IQCM: variants seen among roughly 807,000 people sequenced by gnomAD.
IQCM encodes the protein IQ domain-containing protein M.
In IQCM, 45 loss-of-function variants were observed where a neutral mutation model predicts 57.6. The observed-to-expected ratio is 0.78, with a 90% CI of 0.62 to 1.00. IQCM has a LOEUF of 1.00. Ranked by LOEUF, IQCM falls within the 50% of genes least tolerant of loss-of-function variation. The pLI is 0.00. For synonymous variants in IQCM, 148 were observed against 158.9 expected (o/e 0.93, Z 0.51); for missense variants, 468 against 511.6 (o/e 0.91, Z 0.82).
chr4:149,675,954 C>T (rs566270627), intron 7 of IQCM, among the ~76,000 whole-genome samples: 18 of 152,068 alleles, frequency 1.2e-4, no homozygotes, highest in South Asian at 1.0e-3. Flanking sequence ...AAGAGGTTTG[C>T]GCCAGGCCAC....
chr4:149,636,477 T>A (rs1233687429), intron 7 of IQCM, among the ~76,000 whole-genome samples: 2 of 152,070 alleles, frequency 1.3e-5, no homozygotes, highest in Non-Finnish European at 2.9e-5. Flanking sequence ...CGTGTGTGGA[T>A]CCTCTTTTGA....
intron 13 of IQCM, among the ~76,000 whole-genome samples, chr4:149,394,079 C>T (rs1165042573): frequency 2.0e-5 from 3 of 152,058 alleles, no homozygotes; most frequent in Admixed American, 2.0e-4. Context: ...CTTAGCATGT[C>T]CAATGCCATA....
At position 149,658,919 on chromosome 4, in the gene IQCM, A is replaced by G. The variant is rs1759890377; in HGVS notation, c.565+23199T>C. Among the ~76,000 whole-genome samples the G allele has an allele frequency of 1.3e-5, 2 of 152,052 alleles. 1 individual carries two copies. Among genetic ancestry groups the G allele is most frequent in the South Asian group, 4.1e-4 (2 of 4,832 alleles). On this transcript the variant is annotated intron_variant, in intron 7 of 13. Transcript: ENST00000636793. ...TATATATAAGATCATGTTGTCTTCAAACAGGAACACTTTGACCTTCTCCTT... is the reference window on the plus strand; with the variant it reads ...TATATATAAGATCATGTTGTCTTCAGACAGGAACACTTTGACCTTCTCCTT...
At chr4:149,639,105 A>C (rs1757966046) in intron 7 of IQCM, among the ~76,000 whole-genome samples, 1 of 152,180 alleles carries the variant, frequency 6.6e-6, no homozygotes, top group Admixed American at 6.5e-5. Flanking sequence ...CTGGTCATTC[A>C]CTGAATATAA....
intron 12 of IQCM, among the ~76,000 whole-genome samples, chr4:149,494,041 T>TC (rs1347964685): frequency 3.4e-5 from 5 of 147,698 alleles, no homozygotes; most frequent in Admixed American, 1.4e-4. Context: ...AGTCTTTTCT[T>TC]TTTTTTTTTT....
At chr4:149,625,130 T>G (rs1756685981) in intron 7 of IQCM, among the ~76,000 whole-genome samples, 1 of 152,230 alleles carries the variant, frequency 6.6e-6, no homozygotes, top group Admixed American at 6.5e-5. Flanking sequence ...ATCATTTGAA[T>G]AATCAAACCC....
At chr4:149,762,107 G>A (rs1341452636) in intron 2 of IQCM, among the ~76,000 whole-genome samples, 2 of 151,870 alleles carry the variant, frequency 1.3e-5, no homozygotes, top group African/African-American at 4.8e-5. Flanking sequence ...TCTAGGTAAG[G>A]GGGTACTTTA....
At position 149,516,382 on chromosome 4, in the gene IQCM, C is replaced by A. The variant is rs1252690082; in HGVS notation, c.1228+32073G>T. On this transcript the variant is annotated intron_variant, in intron 12 of 13. Transcript: ENST00000636793. Reference sequence around the variant, plus strand: ...CATCATGGTATTCCACACAGCATTGCCTCTGACCAAGGCACTCACTTTACA... The same window carrying A: ...CATCATGGTATTCCACACAGCATTGACTCTGACCAAGGCACTCACTTTACA... Among the ~76,000 whole-genome samples, 11 of 152,288 alleles carry A rather than the reference C, an allele frequency of 7.2e-5. No individual in the cohort carries two copies. The South Asian group carries it at 2.1e-3, about 29-fold the overall frequency.
chr4:149,428,972 A>G (rs4267715), intron 13 of IQCM, among the ~76,000 whole-genome samples: 2,776 of 151,948 alleles, frequency 0.018, 75 homozygotes, highest in African/African-American at 0.056. Flanking sequence ...ATATAATAAC[A>G]CCATTTCAGT....
chr4:149,614,862 C>A (rs1755643369), intron 8 of IQCM, among the ~76,000 whole-genome samples: 1 of 152,210 alleles, frequency 6.6e-6, no homozygotes, highest in African/African-American at 2.4e-5. Context: ...AGGGCATCCA[C>A]AAGTGGCAGA....
At chr4:149,647,846 A>G (rs1308650482) in intron 7 of IQCM, among the ~76,000 whole-genome samples, 1 of 152,170 alleles carries the variant, frequency 6.6e-6, no homozygotes, top group Non-Finnish European at 1.5e-5. Flanking sequence ...TATCCACAAG[A>G]GAAAATATTC....
At chr4:149,812,668 G>T (rs920840803) in intron 2 of IQCM, among the ~76,000 whole-genome samples, 2 of 151,964 alleles carry the variant, frequency 1.3e-5, no homozygotes, top group Non-Finnish European at 2.9e-5. Context: ...TAATAAATTA[G>T]GTTTGACGTG....
chr4:149,668,124 G>T (rs1033181073), intron 7 of IQCM, among the ~76,000 whole-genome samples: 3 of 152,048 alleles, frequency 2.0e-5, no homozygotes, highest in Non-Finnish European at 4.4e-5. Context: ...ACACATAATT[G>T]TCAGATTCAC....
chr4:149,661,158 T>C (rs1760168976), intron 7 of IQCM, among the ~76,000 whole-genome samples: 1 of 152,160 alleles, frequency 6.6e-6, no homozygotes, highest in Non-Finnish European at 1.5e-5. Flanking sequence ...TGAGAGTTTT[T>C]ATCAGGAAAT....
chr4:149,749,532 G>A (rs1768234161), intron 2 of IQCM, among the ~76,000 whole-genome samples: 1 of 152,132 alleles, frequency 6.6e-6, no homozygotes, highest in Non-Finnish European at 1.5e-5. Flanking sequence ...TGTGAGGAAA[G>A]AGTGCAGGGT....
intron 11 of IQCM, among the ~76,000 whole-genome samples, chr4:149,549,318 A>G (rs1748779957): frequency 6.6e-6 from 1 of 152,060 alleles, no homozygotes; most frequent in Non-Finnish European, 1.5e-5. Flanking sequence ...GATCGAGACC[A>G]TCCCGGCTAA....
chr4:149,632,264 T>C lies in IQCM; in HGVS notation c.566-11020A>G, dbSNP rs138407443. On this transcript the variant is annotated intron_variant, in intron 7 of 13. Coordinates refer to ENST00000636793, the MANE Select transcript of IQCM (RefSeq NM_001363507.2). ...AACGTTTGGCTTTCCAGAATTTTTA[T>C]AATGAAGAGGTATTTGATTGGCAAT... Among the ~76,000 whole-genome samples, 90 of 152,326 alleles carry C rather than the reference T, an allele frequency of 5.9e-4. 3 individuals are homozygous for C. Among genetic ancestry groups the C allele is most frequent in the African/African-American group, 2.0e-3 (84 of 41,562 alleles).
intron 5 of IQCM, among the ~76,000 whole-genome samples, chr4:149,712,654 CAT>C: frequency 6.6e-6 from 1 of 152,254 alleles, no homozygotes; most frequent in East Asian, 1.9e-4. Flanking sequence ...TACTTTCTAG[CAT>C]AGAGTACAGA....
At position 149,396,867 on chromosome 4, in the gene IQCM, C is replaced by T. The variant is rs563050026; in HGVS notation, c.1390+36529G>A. ...CAGCATAATATCTTCAAGGTCTATT[C>T]ATGTTGTCACATATTGTAGAATTTT... On this transcript the variant is annotated intron_variant, in intron 13 of 13. Transcript: ENST00000636793. Among the ~76,000 whole-genome samples the T allele has an allele frequency of 2.6e-5, 4 of 152,074 alleles. No individual in the cohort carries two copies. In the South Asian group the frequency reaches 6.2e-4, roughly 24 times the overall value.
Sources: allele counts gnomAD v4.1 joint callset (sites outside exome capture counted in the v4.1 genomes callset), GRCh38; gene constraint gnomAD v4.1.1; transcripts MANE v1.5; gene names NCBI Gene and HGNC (gene_info 2026-07-23, HGNC 2026-07-21).